Variants in CSMD1 observed in about 807,000 individuals in gnomAD.
CSMD1 encodes the protein CUB and Sushi multiple domains 1.
CSMD1 carries 213 observed loss-of-function variants against 417.5 expected under a neutral mutation model. That is an observed-to-expected ratio of 0.51 (90% confidence interval 0.46 to 0.57). The LOEUF is 0.57. Among genes scored for constraint, CSMD1 ranks in the 20% least tolerant of loss-of-function variants. CSMD1 has a pLI of 0.00. For synonymous variants in CSMD1, 2,862 were observed against 1,736.8 expected, an observed-to-expected ratio of 1.65 and a Z score of -16.11; for missense variants, 6,923 against 4,529.7, an observed-to-expected ratio of 1.53 and a Z score of -15.17.
At position 4,138,267 on chromosome 8, in the gene CSMD1, C is replaced by T. The variant is rs141782904; in HGVS notation, c.416-106168G>A. Among the ~76,000 whole-genome samples the T allele has an allele frequency of 4.0e-4, 58 of 146,460 alleles. 3 individuals carry two copies. The East Asian group carries it at 4.6e-3, about 11-fold the overall frequency. On this transcript the variant is annotated intron_variant, in intron 3 of 69. Transcript: ENST00000635120. ...GGGTTTTCCTTTTCTCCTGGCTATGCCATAAACTAAATGGCAAGATGCAGG... is the reference window on the plus strand; with the variant it reads ...GGGTTTTCCTTTTCTCCTGGCTATGTCATAAACTAAATGGCAAGATGCAGG...
intron 26 of CSMD1, among the ~76,000 whole-genome samples, chr8:3,263,580 TACAA>T (rs1489804073): frequency 2.0e-5 from 3 of 152,376 alleles, no homozygotes; most frequent in Admixed American, 6.5e-5. Context: ...TGAAATTTCT[TACAA>T]ATAAATGTTT....
intron 26 of CSMD1, among the ~76,000 whole-genome samples, chr8:3,256,323 A>AAG (rs368892089): frequency 2.0e-4 from 27 of 138,060 alleles, no homozygotes; most frequent in Admixed American, 2.9e-4. Flanking sequence ...AAAAAAAAAA[A>AAG]AAGAGAAGAA....
chr8:4,361,957 T>TCC (rs1331070080), intron 3 of CSMD1, among the ~76,000 whole-genome samples: 1 of 151,478 alleles, frequency 6.6e-6, no homozygotes, highest in Non-Finnish European at 1.5e-5. Flanking sequence ...ACAGCAAGAC[T>TCC]CCATCTCAAA....
chr8:3,565,933 T>G (rs1251987617), intron 10 of CSMD1, among the ~76,000 whole-genome samples: 3 of 152,232 alleles, frequency 2.0e-5, no homozygotes. Context: ...CCATCCGTGA[T>G]GCGGACCAAT....
intron 7 of CSMD1, among the ~76,000 whole-genome samples, chr8:3,636,195 T>C (rs10098277): frequency 0.36 from 54,418 of 152,026 alleles, 10,519 homozygotes; most frequent in Middle Eastern, 0.51. Flanking sequence ...TTGCATCTTG[T>C]CCCATTGGAA....
intron 41 of CSMD1, among the ~76,000 whole-genome samples, chr8:3,124,713 C>G (rs547922102): frequency 1.3e-5 from 2 of 152,248 alleles, no homozygotes; most frequent in South Asian, 4.1e-4. Flanking sequence ...ATTGTTCAGA[C>G]CACAGGACGT....
At chr8:3,906,369 T>C (rs139695129) in intron 5 of CSMD1, among the ~76,000 whole-genome samples, 191 of 152,302 alleles carry the variant, frequency 1.3e-3, no homozygotes, top group African/African-American at 4.4e-3. Flanking sequence ...ACCTATAGTA[T>C]GGTCTAGAAA....
At chr8:4,962,504 C>A (rs1182591454) in intron 1 of CSMD1, among the ~76,000 whole-genome samples, 1 of 152,154 alleles carries the variant, frequency 6.6e-6, no homozygotes. Flanking sequence ...TCCCATCGTG[C>A]CCAGCCTAAA....
intron 33 of CSMD1, among the ~76,000 whole-genome samples, chr8:3,197,615 G>A (rs1154036): frequency 0.8 from 109,200 of 137,090 alleles, 40,713 homozygotes; most frequent in Middle Eastern, 0.86. Flanking sequence ...ACAGGTGCCC[G>A]CCACCACGCC....
chr8:3,420,796 A>G (rs541381839), intron 12 of CSMD1, among the ~76,000 whole-genome samples: 1 of 152,296 alleles, frequency 6.6e-6, no homozygotes, highest in South Asian at 2.1e-4. Flanking sequence ...CATTCTGCGC[A>G]TGGATTGAAA....
At chr8:4,358,399 C>T (rs1402684193) in intron 3 of CSMD1, among the ~76,000 whole-genome samples, 3 of 152,028 alleles carry the variant, frequency 2.0e-5, no homozygotes, top group South Asian at 4.1e-4. Flanking sequence ...GGGACTGTTT[C>T]GTGACACGTG....
intron 18 of CSMD1, among the ~76,000 whole-genome samples, chr8:3,374,358 G>GT (rs1810176575): frequency 6.6e-6 from 1 of 152,096 alleles, no homozygotes; most frequent in Non-Finnish European, 1.5e-5. Context: ...ACATACTAAT[G>GT]TTTTCCAAAC....
chr8:4,933,998 C>CA (rs112640683), intron 1 of CSMD1, among the ~76,000 whole-genome samples: 1 of 151,206 alleles, frequency 6.6e-6, no homozygotes, highest in African/African-American at 2.4e-5. Flanking sequence ...TACGTTTATG[C>CA]TTTTTTTTTA....
intron 7 of CSMD1, among the ~76,000 whole-genome samples, chr8:3,673,445 T>C (rs1225971465): frequency 1.3e-5 from 2 of 152,216 alleles, no homozygotes; most frequent in South Asian, 2.1e-4. Context: ...CTGGGTACAA[T>C]GTGGCCCTGA....
At chr8:3,181,678 T>C (rs1255699433) in intron 36 of CSMD1, among the ~76,000 whole-genome samples, 1 of 152,172 alleles carries the variant, frequency 6.6e-6, no homozygotes, top group East Asian at 1.9e-4. Context: ...TCCTGATCCC[T>C]ATGTGACTCA....
chr8:3,899,954 G>A (rs1249818351), intron 5 of CSMD1, among the ~76,000 whole-genome samples: 2 of 152,248 alleles, frequency 1.3e-5, no homozygotes, highest in East Asian at 1.9e-4. Flanking sequence ...CATGGGAAGG[G>A]TAGTTGCTCT....
chr8:4,697,954 T>C (rs1001501947), intron 1 of CSMD1, among the ~76,000 whole-genome samples: 3 of 152,116 alleles, frequency 2.0e-5, no homozygotes, highest in Non-Finnish European at 2.9e-5. Flanking sequence ...TCAAGACAAA[T>C]AGTGATGCTT....
At chr8:4,055,415 A>C (rs1798641000) in intron 3 of CSMD1, among the ~76,000 whole-genome samples, 2 of 152,070 alleles carry the variant, frequency 1.3e-5, no homozygotes, top group Non-Finnish European at 1.5e-5. Flanking sequence ...TTTTAAACTC[A>C]CTAAACATTC....
intron 2 of CSMD1, among the ~76,000 whole-genome samples, chr8:4,426,320 T>G (rs10096754): frequency 0.19 from 29,397 of 150,936 alleles, 3,121 homozygotes; most frequent in East Asian, 0.28. Flanking sequence ...TAAAAAGTTT[T>G]TTTAATTATG....
Sources: gnomAD v4.1 joint callset for allele counts (sites outside exome capture counted in the v4.1 genomes callset) on GRCh38, gnomAD v4.1.1 for gene constraint, MANE v1.5 for transcripts, NCBI Gene and HGNC (gene_info 2026-07-23, HGNC 2026-07-21) for gene names.